The following NEFM variants were observed in gnomAD, a reference collection of about 807,000 sequenced individuals.
The protein encoded by NEFM is neurofilament medium chain.
A neutral mutation model predicts 48.1 loss-of-function variants in NEFM; 16 were observed. That is an observed-to-expected ratio of 0.33 (90% CI 0.23 to 0.51). The LOEUF is 0.51. NEFM is among the 20% of genes least tolerant of loss of function. The probability of loss-of-function intolerance (pLI) is 0.98; values close to 1 mark genes in which losing one functional copy is unlikely to be tolerated. For missense variants in NEFM, 1,107 were observed against 1,136.0 expected, an observed-to-expected ratio of 0.97 and a Z score of 0.37; for synonymous variants, 465 against 456.9, an observed-to-expected ratio of 1.02 and a Z score of -0.23.
In NEFM at chr8:24,913,809, G is replaced by A. The variant is rs2117218675; in HGVS notation, c.16G>A (p.Asp6Asn). 6.2e-7 allele frequency: 1 copy of A among 1,609,396 alleles called. No homozygotes were observed. Among genetic ancestry groups the A allele is most frequent in the Non-Finnish European group, 8.5e-7 (1 of 1,178,564 alleles). Residue 6 changes from aspartate (D) to asparagine (N), a missense_variant, in exon 1 of 3, where the codon GAC becomes AAC. Asp to Asn is a conservative substitution (Grantham distance 23). Coordinates refer to ENST00000221166, the MANE Select transcript of NEFM (RefSeq NM_005382.2). ...GGCCTCCAAGATGAGCTACACGTTG[G>A]ACTCGCTGGGCAACCCGTCCGCCTA... is the stretch of plus-strand genomic sequence containing the variant. MSYTL[D>N]SLGNPSAYRR...
chr8:24,915,683 C>A lies in NEFM; in HGVS notation c.1159C>A (p.Leu387Ile). Residue 387 changes from leucine to isoleucine, a missense_variant, in exon 2 of 3, where the codon CTC becomes ATC. Transcript: ENST00000221166. ...MARHLREYQD[L>I]LNVKMALDIE... ...TCGTCATTTGCGCGAATACCAGGACCTCCTCAACGTCAAGATGGCTCTGGA... is the reference window on the plus strand; with the variant it reads ...TCGTCATTTGCGCGAATACCAGGACATCCTCAACGTCAAGATGGCTCTGGA... 1 of 1,614,052 alleles carries A rather than the reference C, an allele frequency of 6.2e-7. No individual in the cohort carries two copies. The highest frequency in any genetic ancestry group is 8.5e-7 in the Non-Finnish European group (1 of 1,180,006).
rs750609179 is a variant in NEFM at position 24,918,443 on chromosome 8, G to A, written c.2588G>A (p.Ser863Asn). 12 of 1,614,054 alleles carry A rather than the reference G, an allele frequency of 7.4e-6. No homozygotes were observed. The highest frequency in any genetic ancestry group is 3.3e-4 in the Middle Eastern group (2 of 6,084). The change falls in exon 3 of 3, where the codon AGT (serine) becomes AAT (asparagine). Residue 863 changes from serine to asparagine, a missense_variant. Ser to Asn is a conservative substitution (Grantham distance 46, BLOSUM62 1). This residue lies in a region of NEFM where 917 missense variants were observed against 916.4 expected (regional missense o/e 1.00). Transcript: ENST00000221166. ...VVTKTVEKIT[S>N]EGGDGATKYI... ...ACCAAAACGGTAGAAAAAATCACCA[G>A]TGAGGGGGGAGATGGTGCTACCAAA... is the stretch of plus-strand genomic sequence containing the variant.
At chr8:24,914,903 C>A (rs1384842777) in intron 1 of NEFM, 30 bp downstream of exon 1, 15 of 1,547,684 alleles carry the variant, frequency 9.7e-6, no homozygotes, top group Admixed American at 5.8e-5. Flanking sequence ...GGCCAGCCTG[C>A]GCCAGCGCCA....
rs762788957 is a variant in NEFM, at chr8:24,917,401, A to C, written c.1546A>C (p.Thr516Pro). 6.4e-7 allele frequency: 1 copy of C among 1,568,274 alleles called. No homozygotes were observed. The highest frequency in any genetic ancestry group is 1.4e-5 in the African/African-American group (1 of 73,584). The change falls in exon 3 of 3, where the codon ACT (threonine) becomes CCT (proline). Residue 516 changes from threonine (T) to proline (P), a missense_variant. Thr to Pro is a conservative substitution (Grantham distance 38, BLOSUM62 -1). This residue lies in a region of NEFM where 917 missense variants were observed against 916.4 expected (regional missense o/e 1.00). Coordinates refer to ENST00000221166, the MANE Select transcript of NEFM (RefSeq NM_005382.2). ...VAAKKSPVKA[T>P]APEVKEEEGE... is the part of the protein sequence containing the mutation. ...TGCCAAAAAGTCTCCAGTGAAAGCAACTGCACCTGAAGTTAAAGAAGAGGA... is the reference window on the plus strand; with the variant it reads ...TGCCAAAAAGTCTCCAGTGAAAGCACCTGCACCTGAAGTTAAAGAAGAGGA...
rs1405001749 is a variant in NEFM, at chr8:24,915,619, G to A, written c.1095G>A (p.Gln365=). 5.6e-6 allele frequency: 9 copies of A among 1,613,988 alleles called. No individual in the cohort carries two copies. Among genetic ancestry groups the A allele is most frequent in the East Asian group, 2.2e-5 (1 of 44,898 alleles). ...DLSSYQDTIQ[Q]LENELRGTKW... ...GTCTGTTTCAGGACACCATCCAGCAGCTGGAAAATGAGCTTCGGGGCACAA... is the reference window on the plus strand; with the variant it reads ...GTCTGTTTCAGGACACCATCCAGCAACTGGAAAATGAGCTTCGGGGCACAA... Residue 365 remains glutamine, a synonymous_variant, in exon 2 of 3, where the codon CAG becomes CAA. Transcript: ENST00000221166.
At chr8:24,915,144 C>T (rs979828791) in intron 1 of NEFM, 68 of 1,345,536 alleles carry the variant, frequency 5.1e-5, no homozygotes, top group Non-Finnish European at 6.4e-5. Flanking sequence ...CACGCTTGCA[C>T]GTTTAAAGCA....
In NEFM at chr8:24,915,738, C is replaced by T; in HGVS notation, c.1205+9C>T. The T allele has an allele frequency of 6.2e-7, 1 of 1,614,056 alleles. No homozygotes were observed. The highest frequency in any genetic ancestry group is 8.5e-7 in the Non-Finnish European group (1 of 1,179,980). The stretch of plus-strand genomic sequence containing the variant: ...GAAATCGCTGCGTACAGGTACGATG[C>T]TTACTACGTGCGTGGCCGGAACACT... On this transcript the variant is annotated intron_variant, in intron 2 of 2. Transcript: ENST00000221166.
intron 1 of NEFM, 82 bp from the exon 2 acceptor site, chr8:24,915,523 G>T (rs866768572): frequency 1.9e-6 from 3 of 1,600,352 alleles, no homozygotes; most frequent in South Asian, 2.2e-5. Context: ...AGGAGGCCAG[G>T]GGGAAGGGGT....
Position 24,917,371 on chromosome 8 carries a change from G to T in NEFM, c.1516G>T (p.Val506Leu). Residue 506 changes from valine to leucine, a missense_variant, in exon 3 of 3, where the codon GTA becomes TTA. This residue lies in a region of NEFM where 917 missense variants were observed against 916.4 expected (regional missense o/e 1.00). Transcript: ENST00000221166. ...EEEPEAEEEEVAAKKSPVKAT... is the reference protein window; with the variant it reads ...EEEPEAEEEELAAKKSPVKAT... ...GGAACCCGAAGCTGAAGAAGAAGAA[G>T]TAGCTGCCAAAAAGTCTCCAGTGAA... 1 of 1,591,228 alleles carries T rather than the reference G, an allele frequency of 6.3e-7. No individual in the cohort carries two copies. Among genetic ancestry groups the T allele is most frequent in the East Asian group, 2.3e-5 (1 of 43,724 alleles).
At position 24,918,512 on chromosome 8, in the gene NEFM, A is replaced by T. The variant is rs1259520967; in HGVS notation, c.2657A>T (p.His886Leu). ...ACCGTCACTCAAAAGGTTGAAGAGC[A>T]TGAAGAGACCTTTGAGGAGAAACTA... is the stretch of plus-strand genomic sequence containing the variant. ...SVTVTQKVEE[H>L]EETFEEKLVS... Residue 886 changes from histidine to leucine, a missense_variant, in exon 3 of 3, where the codon CAT (histidine) becomes CTT (leucine). Physicochemically the swap from His to Leu is moderately conservative, Grantham distance 99. This residue lies in a region of NEFM where 917 missense variants were observed against 916.4 expected (regional missense o/e 1.00). Transcript: ENST00000221166. 3 of 1,614,114 alleles carry T rather than the reference A, an allele frequency of 1.9e-6. No homozygotes were observed. In the South Asian group the frequency reaches 3.3e-5, roughly 18 times the overall value.
Position 24,918,385 on chromosome 8 carries a change from G to A in NEFM, c.2530G>A (p.Gly844Arg), listed in dbSNP as rs1161287877. The A allele has an allele frequency of 1.2e-6, 2 of 1,614,108 alleles. No individual in the cohort carries two copies. Among genetic ancestry groups the A allele is most frequent in the South Asian group, 2.2e-5 (2 of 91,080 alleles). Reference sequence around the variant, plus strand: ...CTTGAGCCCAGCAGATGAAAAGAAGGGGGGTGATAAAAGTGAGGAGAAAGT... The same window carrying A: ...CTTGAGCCCAGCAGATGAAAAGAAGAGGGGTGATAAAAGTGAGGAGAAAGT... Reference protein sequence around the residue: ...LDLSPADEKKGGDKSEEKVVV... With the variant: ...LDLSPADEKKRGDKSEEKVVV... Residue 844 changes from glycine (G) to arginine (R), a missense_variant, in exon 3 of 3, where the codon GGG (glycine) becomes AGG (arginine). Coordinates refer to ENST00000221166, the MANE Select transcript of NEFM (RefSeq NM_005382.2).
rs780927497 is a variant in NEFM at position 24,915,608 on chromosome 8, A to T, written c.1084A>T (p.Thr362Ser). The change falls in exon 2 of 3, where the codon ACC (threonine) becomes TCC (serine). Residue 362 changes from threonine (T) to serine (S), a missense_variant. Physicochemically the swap from Thr to Ser is moderately conservative, Grantham distance 58. Coordinates refer to ENST00000221166, the MANE Select transcript of NEFM (RefSeq NM_005382.2). ...HNHDLSSYQD[T>S]IQQLENELRG... Reference sequence around the variant, plus strand: ...AGATTCTCTGTGTCTGTTTCAGGACACCATCCAGCAGCTGGAAAATGAGCT... The same window carrying T: ...AGATTCTCTGTGTCTGTTTCAGGACTCCATCCAGCAGCTGGAAAATGAGCT... 2 of 1,614,000 alleles carry T rather than the reference A, an allele frequency of 1.2e-6. No homozygotes were observed. Among genetic ancestry groups the T allele is most frequent in the Admixed American group, 3.3e-5 (2 of 60,002 alleles).
chr8:24,914,501 C>T lies in NEFM; in HGVS notation c.708C>T (p.Ser236=). Residue 236 remains serine, a synonymous_variant, in exon 1 of 3, where the codon AGC becomes AGT. Coordinates refer to ENST00000221166, the MANE Select transcript of NEFM (RefSeq NM_005382.2). The part of the protein sequence containing the change: ...SLQDEVAFLR[S]NHEEEVADLL... ...AGGATGAGGTGGCCTTCCTGCGGAG[C>T]AACCACGAGGAGGAGGTGGCCGACC... is the stretch of plus-strand genomic sequence containing the variant. 1.2e-6 allele frequency: 2 copies of T among 1,614,082 alleles called. No individual in the cohort carries two copies. Among genetic ancestry groups the T allele is most frequent in the Non-Finnish European group, 8.5e-7 (1 of 1,180,042 alleles).
At chr8:24,916,972 G>A in intron 2 of NEFM, 89 bp from the exon 3 acceptor site, 2 of 1,026,200 alleles carry the variant, frequency 1.9e-6, no homozygotes, top group Non-Finnish European at 3.1e-6. Flanking sequence ...TTATTCAAAG[G>A]TAGCTACCAC....
In NEFM at chr8:24,914,322, C is replaced by G. The variant is rs1404384808; in HGVS notation, c.529C>G (p.His177Asp). 1 of 1,613,484 alleles carries G rather than the reference C, an allele frequency of 6.2e-7. No individual in the cohort carries two copies. The highest frequency in any genetic ancestry group is 2.2e-5 in the East Asian group (1 of 44,876). ...GGCTCAGGTGCAGCTGGACTCGGAC[C>G]ACCTGGAGGAAGACATCCACCGGCT... ...EKAQVQLDSD[H>D]LEEDIHRLKE... Residue 177 changes from histidine to aspartate, a missense_variant, in exon 1 of 3, where the codon CAC (histidine) becomes GAC (aspartate). His to Asp is a moderately conservative substitution (Grantham distance 81). Coordinates refer to ENST00000221166, the MANE Select transcript of NEFM (RefSeq NM_005382.2).
rs1039971120 is a variant in NEFM, at chr8:24,915,302, G to T, written c.1081-303G>T. Reference sequence around the variant, plus strand: ...GGCTCAGATGGGAATGGCCAGGTCAGCCATGGAGTTTCCCCATGCATGTTT... The same window carrying T: ...GGCTCAGATGGGAATGGCCAGGTCATCCATGGAGTTTCCCCATGCATGTTT... On this transcript the variant is annotated intron_variant, in intron 1 of 2. Coordinates refer to ENST00000221166, the MANE Select transcript of NEFM (RefSeq NM_005382.2). The T allele has an allele frequency of 2.3e-6, 3 of 1,303,694 alleles. No individual in the cohort carries two copies. In the South Asian group the frequency reaches 5.0e-5, roughly 22 times the overall value. 80.8% of individuals were successfully genotyped at this position (1,303,694 alleles called of 1,614,324 possible).
In NEFM at chr8:24,914,620, A is replaced by C. The variant is rs780593973; in HGVS notation, c.827A>C (p.Gln276Pro). Residue 276 changes from glutamine to proline, a missense_variant, in exon 1 of 3, where the codon CAG becomes CCG. Gln to Pro is a moderately conservative substitution (Grantham distance 76). Transcript: ENST00000221166. ...ACGGCGCTGAAGGAAATCCGCTCCC[A>C]GCTCGAAAGCCACTCAGACCAGAAT... ...ISTALKEIRS[Q>P]LESHSDQNMH... The C allele has an allele frequency of 6.2e-7, 1 of 1,614,218 alleles. No homozygotes were observed. The highest frequency in any genetic ancestry group is 2.2e-5 in the East Asian group (1 of 44,862).
At chr8:24,916,372 TATAG>T (rs1366155190) in intron 2 of NEFM, among the ~76,000 whole-genome samples, 1 of 152,230 alleles carries the variant, frequency 6.6e-6, no homozygotes, top group African/African-American at 2.4e-5. Flanking sequence ...ATGATCGTTT[TATAG>T]ATAGTGAGAT....
In NEFM at chr8:24,917,425, G is replaced by A. The variant is rs759776754; in HGVS notation, c.1570G>A (p.Glu524Lys). The A allele has an allele frequency of 6.4e-7, 1 of 1,558,998 alleles. No homozygotes were observed. Among genetic ancestry groups the A allele is most frequent in the East Asian group, 2.4e-5 (1 of 41,342 alleles). ...AACTGCACCTGAAGTTAAAGAAGAG[G>A]AAGGGGAAAAGGAGGAAGAAGAAGG... Reference protein sequence around the residue: ...KATAPEVKEEEGEKEEEEGQE... With the variant: ...KATAPEVKEEKGEKEEEEGQE... The change falls in exon 3 of 3, where the codon GAA (glutamate) becomes AAA (lysine). Residue 524 changes from glutamate to lysine, a missense_variant. Coordinates refer to ENST00000221166, the MANE Select transcript of NEFM (RefSeq NM_005382.2).
Sources: gnomAD v4.1 joint callset for allele counts (sites outside exome capture counted in the v4.1 genomes callset) on GRCh38, gnomAD v4.1.1 for gene constraint, gnomAD v4.1.1 regional missense constraint, MANE v1.5 for transcripts, NCBI Gene and HGNC (gene_info 2026-07-23, HGNC 2026-07-21) for gene names.